The following LRRN2 variants were observed in gnomAD, a reference collection of about 807,000 sequenced individuals.
The protein encoded by LRRN2 is leucine-rich repeat neuronal protein 2.
Under a neutral mutation model 35.7 loss-of-function variants are expected in LRRN2, and 10 were observed. The observed-to-expected ratio is 0.28, with a 90% CI of 0.17 to 0.47. The LOEUF (loss-of-function observed/expected upper bound fraction) is 0.47, where lower values mean the gene tolerates loss of function less well. Ranked by LOEUF, LRRN2 falls within the 20% of genes least tolerant of loss-of-function variation. The pLI, the probability that LRRN2 is intolerant of heterozygous loss-of-function variation, is 0.99. For missense variants in LRRN2, 731 were observed against 940.3 expected (o/e 0.78, Z 2.91); for synonymous variants, 391 against 409.6 (o/e 0.95, Z 0.55).
chr1:204,651,734 G>A (rs1248394774), intron 1 of LRRN2, among the ~76,000 whole-genome samples: 1 of 152,212 alleles, frequency 6.6e-6, no homozygotes, highest in Admixed American at 6.5e-5. Context: ...GGGAAGTTCT[G>A]TCGGACACAG....
At position 204,620,189 on chromosome 1, in the gene LRRN2, A is replaced by T; in HGVS notation, c.-197T>A. On this transcript the variant is annotated 5_prime_UTR_variant, in exon 2 of 2. The change abolishes the stop of an existing upstream ORF in the 5' untranslated region. Coordinates refer to ENST00000367177, the MANE Select transcript of LRRN2 (RefSeq NM_201630.2). ...TTGTCCTCTGGGGCTGGGCCTGCTC[A>T]GTCATTGCCAGGCCCCATCAGGGGC... is the stretch of plus-strand genomic sequence containing the variant. 1 of 1,444,610 alleles carries T rather than the reference A, an allele frequency of 6.9e-7. No homozygotes were observed. The highest frequency in any genetic ancestry group is 1.5e-5 in the South Asian group (1 of 66,408). 89.5% of individuals were successfully genotyped at this position (1,444,610 alleles called of 1,614,324 possible).
At position 204,617,586 on chromosome 1, in the gene LRRN2, A is replaced by G. The variant is rs113643396; in HGVS notation, c.*265T>C. 3,045 of 470,124 alleles carry G rather than the reference A, an allele frequency of 6.5e-3. 20 individuals carry two copies. The highest frequency in any genetic ancestry group is 0.023 in the African/African-American group (1,171 of 50,744). The allele number at this position is 470,124 out of a possible 1,614,324, so 29.1% of individuals were successfully genotyped here. The stretch of plus-strand genomic sequence containing the variant: ...CTGGGCAGAGAGAAGATGGGGAGGC[A>G]GGAGGCTCTAGCCAAAGTCCCTCCT... On this transcript the variant is annotated 3_prime_UTR_variant, in exon 2 of 2. Coordinates refer to ENST00000367177, the MANE Select transcript of LRRN2 (RefSeq NM_201630.2).
chr1:204,636,093 A>G (rs997579923), intron 1 of LRRN2, among the ~76,000 whole-genome samples: 1 of 152,180 alleles, frequency 6.6e-6, no homozygotes. Flanking sequence ...GCTCGCTGCC[A>G]TGACCACACT....
chr1:204,673,382 G>A (rs1668752341), intron 1 of LRRN2, among the ~76,000 whole-genome samples: 1 of 152,096 alleles, frequency 6.6e-6, no homozygotes, highest in Admixed American at 6.5e-5. Context: ...ACAAGCATGA[G>A]CTGGTTTCAT....
At chr1:204,637,817 C>G (rs1376997674) in intron 1 of LRRN2, among the ~76,000 whole-genome samples, 1 of 152,134 alleles carries the variant, frequency 6.6e-6, no homozygotes. Context: ...ATGGCAACAC[C>G]GTGCTCTTTA....
chr1:204,644,636 A>G (rs4279904), intron 1 of LRRN2, among the ~76,000 whole-genome samples: 95,676 of 152,022 alleles, frequency 0.63, 30,653 homozygotes, highest in East Asian at 0.86. Flanking sequence ...TCTTGCTCCC[A>G]CAACACCTAC....
chr1:204,654,280 G>A (rs1167108231), intron 1 of LRRN2, among the ~76,000 whole-genome samples: 1 of 152,178 alleles, frequency 6.6e-6, no homozygotes, highest in Non-Finnish European at 1.5e-5. Context: ...GGGGTACGAG[G>A]AGCCTTCTGG....
In LRRN2 at chr1:204,617,697, A is replaced by G; in HGVS notation, c.*154T>C. ...TTTTCGAGGCTGCAGAAGCACCCCCAGGGCCACAAAGCCCCATCTGTCTTG... is the reference window on the plus strand; with the variant it reads ...TTTTCGAGGCTGCAGAAGCACCCCCGGGGCCACAAAGCCCCATCTGTCTTG... On this transcript the variant is annotated 3_prime_UTR_variant, in exon 2 of 2. Transcript: ENST00000367177. The G allele has an allele frequency of 1.2e-6, 1 of 843,784 alleles. No individual in the cohort carries two copies. Among genetic ancestry groups the G allele is most frequent in the South Asian group, 1.6e-5 (1 of 61,152 alleles). The allele number at this position is 843,784 out of a possible 1,614,324, so 52.3% of individuals were successfully genotyped here. A position where few individuals can be genotyped will look rare whatever the true frequency, so the allele number is the denominator to read the frequency against.
At position 204,618,661 on chromosome 1, in the gene LRRN2, A is replaced by G. The variant is rs922630829; in HGVS notation, c.1332T>C (p.His444=). The change falls in exon 2 of 2, where the codon CAT becomes CAC. Residue 444 remains histidine (H), a synonymous_variant. Coordinates refer to ENST00000367177, the MANE Select transcript of LRRN2 (RefSeq NM_201630.2). ...QVASGESMVL[H]CRALAEPEPE... is the part of the protein sequence containing the mutation. ...GTTCGGGTTCGGCCAGTGCCCGGCA[A>G]TGCAGCACCATGCTCTCTCCACTGG... The G allele has an allele frequency of 2.5e-6, 4 of 1,605,430 alleles. No individual in the cohort carries two copies. The highest frequency in any genetic ancestry group is 3.4e-6 in the Non-Finnish European group (4 of 1,175,642).
chr1:204,678,357 C>G (rs552030650), intron 1 of LRRN2, among the ~76,000 whole-genome samples: 2 of 152,258 alleles, frequency 1.3e-5, no homozygotes, highest in East Asian at 3.9e-4. Context: ...TACTGATTGG[C>G]TGAAACAGCT....
intron 1 of LRRN2, among the ~76,000 whole-genome samples, chr1:204,660,119 G>C (rs1195562618): frequency 1.3e-5 from 2 of 152,190 alleles, no homozygotes; most frequent in African/African-American, 4.8e-5. Context: ...CTTCTTCCTG[G>C]TCCAGGGGGT....
chr1:204,672,946 G>A (rs1259680740), intron 1 of LRRN2, among the ~76,000 whole-genome samples: 3 of 152,188 alleles, frequency 2.0e-5, no homozygotes, highest in Admixed American at 6.5e-5. Context: ...CATCCAGACA[G>A]AGCCTTCACA....
Position 204,619,016 on chromosome 1 carries a change from A to C in LRRN2, c.977T>G (p.Ile326Ser). ...DITNNPRLSF[I>S]HPRAFHHLPQ... ...CAGGTGGTGGAAGGCGCGGGGGTGG[A>C]TGAAGGACAGCCGTGGGTTATTGGT... is the stretch of plus-strand genomic sequence containing the variant. The change falls in exon 2 of 2, where the codon ATC becomes AGC. Residue 326 changes from isoleucine to serine, a missense_variant. Physicochemically the swap from Ile to Ser is moderately radical, Grantham distance 142. This residue lies in a region of LRRN2 where 256 missense variants were observed against 392.4 expected (regional missense o/e 0.65). Coordinates refer to ENST00000367177, the MANE Select transcript of LRRN2 (RefSeq NM_201630.2). The C allele has an allele frequency of 6.2e-7, 1 of 1,609,640 alleles. No homozygotes were observed. Among genetic ancestry groups the C allele is most frequent in the African/African-American group, 1.3e-5 (1 of 74,952 alleles).
chr1:204,669,479 A>G (rs1231840642), intron 1 of LRRN2, among the ~76,000 whole-genome samples: 1 of 152,274 alleles, frequency 6.6e-6, no homozygotes, highest in African/African-American at 2.4e-5. Context: ...GCATAGATGG[A>G]CATTTCTCTA....
intron 1 of LRRN2, among the ~76,000 whole-genome samples, chr1:204,623,658 G>A (rs1032628452): frequency 1.3e-5 from 2 of 152,184 alleles, no homozygotes; most frequent in Admixed American, 6.5e-5. Flanking sequence ...AGTTTCTACC[G>A]GGGAGCTGCA....
chr1:204,638,066 G>A (rs1667879114), intron 1 of LRRN2, among the ~76,000 whole-genome samples: 1 of 152,016 alleles, frequency 6.6e-6, no homozygotes, highest in Non-Finnish European at 1.5e-5. Context: ...TTCACTGAGC[G>A]TAGGGGGACC....
intron 1 of LRRN2, among the ~76,000 whole-genome samples, chr1:204,672,076 G>T (rs534589372): frequency 6.6e-6 from 1 of 152,244 alleles, no homozygotes; most frequent in Non-Finnish European, 1.5e-5. Context: ...GAGAATAAAG[G>T]TGAGTGGGGA....
chr1:204,679,054 C>T (rs1668883090), intron 1 of LRRN2, among the ~76,000 whole-genome samples: 2 of 152,148 alleles, frequency 1.3e-5, no homozygotes, highest in Non-Finnish European at 1.5e-5. Context: ...GGCCTGGTGG[C>T]GCTCGAGATG....
chr1:204,643,232 G>A (rs544669191), intron 1 of LRRN2, among the ~76,000 whole-genome samples: 2 of 152,314 alleles, frequency 1.3e-5, no homozygotes, highest in South Asian at 4.1e-4. Flanking sequence ...TTTTATAAAT[G>A]TGTTCCCCCA....
Sources: allele counts gnomAD v4.1 joint callset (sites outside exome capture counted in the v4.1 genomes callset), GRCh38; gene constraint gnomAD v4.1.1; regional missense constraint gnomAD v4.1.1; transcripts MANE v1.5; gene names NCBI Gene and HGNC (gene_info 2026-07-23, HGNC 2026-07-21).